Variants in VIRMA observed in about 807,000 individuals in gnomAD.
The protein encoded by VIRMA is vir like m6A methyltransferase associated.
VIRMA carries 65 observed loss-of-function variants against 182.4 expected under a neutral mutation model. That is an observed-to-expected ratio of 0.36 (90% confidence interval 0.29 to 0.44). The LOEUF is 0.44. VIRMA is among the 20% of genes least tolerant of loss of function. The pLI is 1.00. For missense variants in VIRMA, 1,752 were observed against 2,158.1 expected (o/e 0.81, Z 3.73); for synonymous variants, 709 against 743.1 (o/e 0.95, Z 0.75).
chr8:94,488,754 A>G lies in VIRMA; in HGVS notation c.5391T>C (p.Val1797=). 3 of 1,614,216 alleles carry G rather than the reference A, an allele frequency of 1.9e-6. No homozygotes were observed. The highest frequency in any genetic ancestry group is 2.5e-6 in the Non-Finnish European group (3 of 1,180,034). The change falls in exon 24 of 24, where the codon GTT becomes GTC. Residue 1797 remains valine (V), a synonymous_variant. Coordinates refer to ENST00000297591, the MANE Select transcript of VIRMA (RefSeq NM_015496.5). The part of the protein sequence containing the change: ...SGSGGSRGKF[V]SGGSGRGRHV... ...GACGACCTCTACCACTGCCTCCACTAACAAACTTTCCTCTTGAGCCTCCAC... is the reference window on the plus strand; with the variant it reads ...GACGACCTCTACCACTGCCTCCACTGACAAACTTTCCTCTTGAGCCTCCAC...
intron 1 of VIRMA, among the ~76,000 whole-genome samples, chr8:94,551,888 T>C (rs562522308): frequency 6.6e-6 from 1 of 152,240 alleles, no homozygotes; most frequent in Non-Finnish European, 1.5e-5. Context: ...CCACAACTAG[T>C]TAATTTTCTT....
chr8:94,544,006 T>C (rs920074472), intron 1 of VIRMA, 64 bp from the exon 2 acceptor site: 1 of 779,022 alleles, frequency 1.3e-6, no homozygotes, highest in South Asian at 1.5e-5. Context: ...GTTTCTCTAT[T>C]CAAATTTTAT....
intron 1 of VIRMA, 21 bp from the exon 2 acceptor site, chr8:94,543,963 G>A (rs771466028): frequency 7.9e-7 from 1 of 1,272,512 alleles, no homozygotes; most frequent in South Asian, 1.2e-5. Context: ...AAAAAAGCCG[G>A]AGGGGGAGGG....
chr8:94,517,733 A>C, intron 10 of VIRMA, 55 bp downstream of exon 10: 1 of 1,284,890 alleles, frequency 7.8e-7, no homozygotes, highest in Non-Finnish European at 1.1e-6. Context: ...ACAGATATTC[A>C]AAGGTTTGTT....
chr8:94,530,491 T>A (rs1815130799), intron 6 of VIRMA, among the ~76,000 whole-genome samples: 3 of 128,882 alleles, frequency 2.3e-5, no homozygotes. Context: ...AGCAAAAACC[T>A]GTCTCAAAAA....
At chr8:94,510,700 T>C in intron 13 of VIRMA, 48 bp from the exon 14 acceptor site, 8 of 1,355,772 alleles carry the variant, frequency 5.9e-6, no homozygotes, top group Non-Finnish European at 8.3e-6. Context: ...TTAATATTTA[T>C]TTATAGTCAC....
chr8:94,492,122 A>G (rs900087987), intron 21 of VIRMA, among the ~76,000 whole-genome samples: 28 of 152,158 alleles, frequency 1.8e-4, no homozygotes, highest in African/African-American at 6.5e-4. Context: ...AAAATAATCC[A>G]GTTCACTTCT....
intron 1 of VIRMA, among the ~76,000 whole-genome samples, chr8:94,545,643 C>A (rs372866383): frequency 9.9e-5 from 15 of 152,272 alleles, no homozygotes; most frequent in African/African-American, 3.4e-4. Flanking sequence ...TGCCATGATA[C>A]AGACTCACAA....
intron 4 of VIRMA, 132 bp downstream of exon 4, chr8:94,536,971 T>G: frequency 1.4e-6 from 1 of 696,318 alleles, no homozygotes; most frequent in Non-Finnish European, 2.5e-6. Context: ...AGAGCGAGAC[T>G]CCGTCTCAAA....
Position 94,527,196 on chromosome 8 carries a change from A to G in VIRMA, c.1048T>C (p.Tyr350His), listed in dbSNP as rs747046017. The change falls in exon 8 of 24, where the codon TAC becomes CAC. Residue 350 changes from tyrosine to histidine, a missense_variant. Coordinates refer to ENST00000297591, the MANE Select transcript of VIRMA (RefSeq NM_015496.5). ...GTAGTCTTGTATGGACAACTGAAGT[A>G]TAAGAGTGGTACAAGCTCCCTGTCA... ...PYDRELVPLLYFSCPYKTTFE... is the reference protein window; with the variant it reads ...PYDRELVPLLHFSCPYKTTFE... The G allele has an allele frequency of 5.0e-6, 8 of 1,614,026 alleles. No individual in the cohort carries two copies. The highest frequency in any genetic ancestry group is 1.1e-5 in the South Asian group (1 of 91,086).
chr8:94,495,068 A>G, intron 19 of VIRMA, 112 bp from the exon 20 acceptor site: 4 of 742,706 alleles, frequency 5.4e-6, no homozygotes, highest in East Asian at 2.6e-5. Flanking sequence ...TGGCACGATC[A>G]CAGTTCACTG....
At chr8:94,509,369 T>G (rs1814274376) in intron 15 of VIRMA, among the ~76,000 whole-genome samples, 1 of 149,328 alleles carries the variant, frequency 6.7e-6, no homozygotes, top group South Asian at 2.1e-4. Flanking sequence ...GCCATTGCAC[T>G]CCAGCCTGGG....
Position 94,514,856 on chromosome 8 carries a change from G to C in VIRMA, c.2751+13C>G. 6.8e-7 allele frequency: 1 copy of C among 1,474,576 alleles called. No individual in the cohort carries two copies. Among genetic ancestry groups the C allele is most frequent in the Non-Finnish European group, 9.4e-7 (1 of 1,067,538 alleles). The allele number at this position is 1,474,576 out of a possible 1,614,324, so 91.3% of individuals were successfully genotyped here. ...TTTCAAAAAGTCAAAGCACTTTTAA[G>C]TTTTACACTTACCTGCTTAACATAC... On this transcript the variant is annotated intron_variant, in intron 11 of 23. Coordinates refer to ENST00000297591, the MANE Select transcript of VIRMA (RefSeq NM_015496.5).
chr8:94,508,864 T>C (rs1175997380), intron 15 of VIRMA, among the ~76,000 whole-genome samples: 1 of 151,438 alleles, frequency 6.6e-6, no homozygotes, highest in East Asian at 1.9e-4. Flanking sequence ...CAAGCTAAAA[T>C]GCCATTAGGC....
chr8:94,503,076 T>C (rs898157064), intron 16 of VIRMA, among the ~76,000 whole-genome samples: 6 of 151,578 alleles, frequency 4.0e-5, no homozygotes, highest in African/African-American at 1.5e-4. Context: ...GGAAGGAAAA[T>C]TAGTAAGTAA....
Position 94,509,908 on chromosome 8 carries a change from C to T in VIRMA, c.3659G>A (p.Ser1220Asn). 1 of 1,612,796 alleles carries T rather than the reference C, an allele frequency of 6.2e-7. No individual in the cohort carries two copies. The change falls in exon 15 of 24, where the codon AGC becomes AAC. Residue 1220 changes from serine to asparagine, a missense_variant. Coordinates refer to ENST00000297591, the MANE Select transcript of VIRMA (RefSeq NM_015496.5). ...AAGAGCAAGCAACCTGGTGGTTTGG[C>T]TAGTATACTGTTTTTCTTTATCTTC... ...TSEDKEKQYT[S>N]QTTRLLALLD...
At chr8:94,530,496 CAAAA>C (rs35685716) in intron 6 of VIRMA, among the ~76,000 whole-genome samples, 1 of 79,078 alleles carries the variant, frequency 1.3e-5, no homozygotes. Flanking sequence ...AAACCTGTCT[CAAAA>C]AAAAAAAAAA....
rs572643398 is a variant in VIRMA at position 94,490,402 on chromosome 8, A to G, written c.5141-320T>C. Among the ~76,000 whole-genome samples, 3 of 152,368 alleles carry G rather than the reference A, an allele frequency of 2.0e-5. No homozygotes were observed. In the East Asian group the frequency reaches 5.8e-4, roughly 29 times the overall value. On this transcript the variant is annotated intron_variant, in intron 22 of 23. Transcript: ENST00000297591. ...TGAGGTTATAATATGTAAAGTGCTT[A>G]TAACAGTTCCTGACACACCTAATCT...
intron 16 of VIRMA, among the ~76,000 whole-genome samples, chr8:94,502,004 C>T (rs548884132): frequency 2.9e-4 from 44 of 152,226 alleles, no homozygotes; most frequent in African/African-American, 1.0e-3. Context: ...ATCTTGATGA[C>T]CTCTCTAATG....
Sources: gnomAD v4.1 joint callset for allele counts (sites outside exome capture counted in the v4.1 genomes callset) on GRCh38, gnomAD v4.1.1 for gene constraint, MANE v1.5 for transcripts, NCBI Gene and HGNC (gene_info 2026-07-23, HGNC 2026-07-21) for gene names.